The following LRRC59 variants were observed in gnomAD, a reference collection of about 807,000 sequenced individuals.
LRRC59 encodes the protein leucine-rich repeat-containing protein 59.
Under a neutral mutation model 33.5 loss-of-function variants are expected in LRRC59, and 18 were observed. The ratio of observed to expected loss-of-function variants is 0.54; its 90% CI spans 0.37 to 0.80. The LOEUF is 0.80. Ranked by LOEUF, LRRC59 falls within the 30% of genes least tolerant of loss-of-function variation. The pLI is 0.00. For synonymous variants in LRRC59, 138 were observed against 160.0 expected, an observed-to-expected ratio of 0.86 and a Z score of 1.04; for missense variants, 330 against 391.9, an observed-to-expected ratio of 0.84 and a Z score of 1.33.
intron 2 of LRRC59, among the ~76,000 whole-genome samples, chr17:50,394,723 C>T (rs1360122473): frequency 1.3e-5 from 2 of 152,150 alleles, no homozygotes; most frequent in Non-Finnish European, 2.9e-5. Flanking sequence ...AAGAATGAGG[C>T]CTCCATCTCA....
Position 50,388,145 on chromosome 17 carries a change from A to C in LRRC59, c.430-13T>G. On this transcript the variant is annotated splice_polypyrimidine_tract_variant and intron_variant, in intron 4 of 6. Transcript: ENST00000225972. Reference sequence around the variant, plus strand: ...TGTGCTGTAACACCTGCAAAGGAAAAGGAGGAAAGTAGTGCTCTTCATAGT... The same window carrying C: ...TGTGCTGTAACACCTGCAAAGGAAACGGAGGAAAGTAGTGCTCTTCATAGT... 1 of 1,613,512 alleles carries C rather than the reference A, an allele frequency of 6.2e-7. No homozygotes were observed.
At chr17:50,384,716 G>C (rs1913958082) in intron 6 of LRRC59, among the ~76,000 whole-genome samples, 1 of 147,578 alleles carries the variant, frequency 6.8e-6, no homozygotes, top group Admixed American at 6.9e-5. Flanking sequence ...AGTGAGCCGA[G>C]ATCACGCCAT....
Position 50,385,276 on chromosome 17 carries a change from C to T in LRRC59, c.518G>A (p.Arg173His), listed in dbSNP as rs150623265. 3.7e-6 allele frequency: 6 copies of T among 1,613,684 alleles called. No individual in the cohort carries two copies. Among genetic ancestry groups the T allele is most frequent in the Middle Eastern group, 1.6e-4 (1 of 6,080 alleles). The change falls in exon 6 of 7, where the codon CGT becomes CAT. Residue 173 changes from arginine (R) to histidine (H), a missense_variant. Coordinates refer to ENST00000225972, the MANE Select transcript of LRRC59 (RefSeq NM_018509.4). ...TTCCTTAGCTCGCTGCTTAGCCTCACGCTTCTTCTCTGCCTCTACAACAAA... is the reference window on the plus strand; with the variant it reads ...TTCCTTAGCTCGCTGCTTAGCCTCATGCTTCTTCTCTGCCTCTACAACAAA... ...LEVEREAEKKREAKQRAKEAQ... is the reference protein window; with the variant it reads ...LEVEREAEKKHEAKQRAKEAQ...
intron 3 of LRRC59, 111 bp from the exon 4 acceptor site, chr17:50,392,613 T>C (rs1309063568): frequency 7.6e-6 from 11 of 1,445,538 alleles, no homozygotes; most frequent in Admixed American, 6.9e-5. Flanking sequence ...GTTCCACATA[T>C]AGGGAGCGCC....
At chr17:50,387,519 G>T (rs1914038128) in intron 5 of LRRC59, among the ~76,000 whole-genome samples, 1 of 152,170 alleles carries the variant, frequency 6.6e-6, no homozygotes, top group Non-Finnish European at 1.5e-5. Flanking sequence ...AGATCTCCCA[G>T]ACTGTTGTGA....
At chr17:50,383,399 A>G (rs1184286261) in intron 6 of LRRC59, among the ~76,000 whole-genome samples, 164 bp from the exon 7 acceptor site, 1 of 152,126 alleles carries the variant, frequency 6.6e-6, no homozygotes. Flanking sequence ...CGAAACAGAA[A>G]CAACTTTTCC....
chr17:50,386,764 T>C (rs1914014418), intron 5 of LRRC59, among the ~76,000 whole-genome samples: 1 of 152,158 alleles, frequency 6.6e-6, no homozygotes, highest in Non-Finnish European at 1.5e-5. Context: ...ACTGTACACA[T>C]CCCTTCTTGA....
chr17:50,385,438 T>G (rs1913979989), intron 5 of LRRC59, 147 bp from the exon 6 acceptor site: 6 of 907,206 alleles, frequency 6.6e-6, no homozygotes, highest in Non-Finnish European at 9.9e-6. Context: ...CAGCCATCCT[T>G]CTGCTCCTGG....
At position 50,382,887 on chromosome 17, in the gene LRRC59, G is replaced by A. The variant is rs1296665913; in HGVS notation, c.*101C>T. 7 of 1,425,706 alleles carry A rather than the reference G, an allele frequency of 4.9e-6. No homozygotes were observed. The highest frequency in any genetic ancestry group is 5.7e-6 in the Non-Finnish European group (6 of 1,052,122). 88.3% of individuals were successfully genotyped at this position (1,425,706 alleles called of 1,614,324 possible). A position where few individuals can be genotyped will look rare whatever the true frequency, so the allele number is the denominator to read the frequency against. ...ACCAATCTGCAGCCATTTGATGATG[G>A]CAGGTAGGTCTGATGCTAAAAAGAG... is the stretch of plus-strand genomic sequence containing the variant. On this transcript the variant is annotated 3_prime_UTR_variant, in exon 7 of 7. Coordinates refer to ENST00000225972, the MANE Select transcript of LRRC59 (RefSeq NM_018509.4).
chr17:50,382,668 G>A lies in LRRC59; in HGVS notation c.*320C>T, dbSNP rs370133634. ...TGACAGCTGACCATTTAGTAGAAAC[G>A]AGCCTTGCCTTTACACAGCTTTATA... is the stretch of plus-strand genomic sequence containing the variant. On this transcript the variant is annotated 3_prime_UTR_variant, in exon 7 of 7. Coordinates refer to ENST00000225972, the MANE Select transcript of LRRC59 (RefSeq NM_018509.4). The A allele has an allele frequency of 1.2e-5, 4 of 326,588 alleles. No homozygotes were observed. Among genetic ancestry groups the A allele is most frequent in the African/African-American group, 4.2e-5 (2 of 47,552 alleles). 20.2% of individuals were successfully genotyped at this position (326,588 alleles called of 1,614,324 possible).
At chr17:50,385,558 C>A (rs1168082982) in intron 5 of LRRC59, among the ~76,000 whole-genome samples, 1 of 152,078 alleles carries the variant, frequency 6.6e-6, no homozygotes, top group Non-Finnish European at 1.5e-5. Context: ...ACAAGGAGGA[C>A]CTAAGAAAGG....
At chr17:50,396,953 T>C (rs560847063) in intron 1 of LRRC59, 99 of 402,384 alleles carry the variant, frequency 2.5e-4, no homozygotes, top group African/African-American at 1.9e-3. Context: ...AGGTGACAGA[T>C]TCGCTTCTTA....
rs115049612 is a variant in LRRC59 at position 50,388,504 on chromosome 17, G to A, written c.430-372C>T. Among the ~76,000 whole-genome samples the A allele has an allele frequency of 2.6e-3, 389 of 152,272 alleles. 3 individuals carry two copies. Among genetic ancestry groups the A allele is most frequent in the African/African-American group, 9.1e-3 (380 of 41,554 alleles). The stretch of plus-strand genomic sequence containing the variant: ...TGCAGTGAGCTGTGGTCACGCCATG[G>A]CACTCCAGTCTGGGTGAAGACTGAG... On this transcript the variant is annotated intron_variant, in intron 4 of 6. Transcript: ENST00000225972.
intron 5 of LRRC59, 48 bp from the exon 6 acceptor site, chr17:50,385,339 A>G: frequency 6.3e-7 from 1 of 1,585,254 alleles, no homozygotes; most frequent in Non-Finnish European, 8.6e-7. Flanking sequence ...CAAACACTCC[A>G]GCAGTTTGCT....
At chr17:50,391,304 G>T (rs913357945) in intron 4 of LRRC59, among the ~76,000 whole-genome samples, 8 of 152,216 alleles carry the variant, frequency 5.3e-5, no homozygotes, top group African/African-American at 1.7e-4. Context: ...TGTAATAAGA[G>T]ATGATACAGA....
intron 6 of LRRC59, 106 bp from the exon 7 acceptor site, chr17:50,383,341 C>G (rs1913917113): frequency 7.4e-7 from 1 of 1,355,388 alleles, no homozygotes; most frequent in Admixed American, 2.8e-5. Context: ...ATTCCTTCCT[C>G]AAGCAAAAAC....
At chr17:50,385,090 G>A (rs750199312) in intron 6 of LRRC59, 28 bp downstream of exon 6, 2 of 1,608,776 alleles carry the variant, frequency 1.2e-6, no homozygotes, top group Non-Finnish European at 1.7e-6. Context: ...TACCCCTGCT[G>A]GAATCTTACA....
Position 50,382,410 on chromosome 17 carries a change from A to G in LRRC59, c.*578T>C, listed in dbSNP as rs537976825. ...GGAAGACCTCAGTTTCTCTGTCTGC[A>G]AGTGTTATATTGGACTGGATGGTCA... On this transcript the variant is annotated 3_prime_UTR_variant, in exon 7 of 7. Transcript: ENST00000225972. The G allele has an allele frequency of 1.3e-5, 2 of 152,918 alleles. No homozygotes were observed. The highest frequency in any genetic ancestry group is 2.9e-5 in the Non-Finnish European group (2 of 68,488). The allele number at this position is 152,918 out of a possible 1,614,324, so 9.5% of individuals were successfully genotyped here. A position where few individuals can be genotyped will look rare whatever the true frequency, so the allele number is the denominator to read the frequency against.
In LRRC59 at chr17:50,381,782, A is replaced by C. The variant is rs557962967; in HGVS notation, c.*1206T>G. 2.6e-5 allele frequency: 4 copies of C among 152,808 alleles called. No individual in the cohort carries two copies. The South Asian group carries it at 8.3e-4, about 32-fold the overall frequency. The allele number at this position is 152,808 out of a possible 1,614,324, so 9.5% of individuals were successfully genotyped here. A position where few individuals can be genotyped will look rare whatever the true frequency, so the allele number is the denominator to read the frequency against. On this transcript the variant is annotated 3_prime_UTR_variant, in exon 7 of 7. Coordinates refer to ENST00000225972, the MANE Select transcript of LRRC59 (RefSeq NM_018509.4). ...AAGCAAAGGAGGCAAGAAAATGCTT[A>C]ATTTAGCAGACAAGAGAATGGACAG...
Sources: allele counts gnomAD v4.1 joint callset (sites outside exome capture counted in the v4.1 genomes callset), GRCh38; gene constraint gnomAD v4.1.1; transcripts MANE v1.5; gene names NCBI Gene and HGNC (gene_info 2026-07-23, HGNC 2026-07-21).